The following TTC8 variants were observed in gnomAD, a reference collection of about 807,000 sequenced individuals.
The protein encoded by TTC8 is tetratricopeptide repeat protein 8.
Under a neutral mutation model 72.5 loss-of-function variants are expected in TTC8, and 47 were observed. The ratio of observed to expected loss-of-function variants is 0.65; its 90% CI spans 0.51 to 0.83. TTC8 has a LOEUF of 0.83. Among genes scored for constraint, TTC8 ranks in the 40% least tolerant of loss-of-function variants. The pLI, the probability that TTC8 is intolerant of heterozygous loss-of-function variation, is 0.00. For missense variants in TTC8, 611 were observed against 623.2 expected, an observed-to-expected ratio of 0.98 and a Z score of 0.21; for synonymous variants, 199 against 221.4, an observed-to-expected ratio of 0.90 and a Z score of 0.90.
At chr14:88,879,604 A>G (rs1323704067), downstream of TTC8, 5 of 151,666 alleles carry the variant, frequency 3.3e-5, no homozygotes, top group Non-Finnish European at 7.4e-5. Flanking sequence ...TCAGGATACA[A>G]TTTATGGCCT....
chr14:88,872,591 T>A (rs2094939444), intron 13 of TTC8, 139 bp downstream of exon 13: 1 of 1,247,962 alleles, frequency 8.0e-7, no homozygotes, highest in Non-Finnish European at 1.1e-6. Context: ...CCAGCTCTGT[T>A]GTGTATTAGC....
chr14:88,859,581 T>A (rs946858568), intron 9 of TTC8, among the ~76,000 whole-genome samples: 2 of 151,540 alleles, frequency 1.3e-5, no homozygotes, highest in Non-Finnish European at 2.9e-5. Flanking sequence ...TCCTGGGTGA[T>A]GAAATAATCT....
chr14:88,879,411 A>G (rs1012646950), downstream of TTC8: 1 of 152,172 alleles, frequency 6.6e-6, no homozygotes, highest in Non-Finnish European at 1.5e-5. Context: ...ACCAAAATTC[A>G]TATCATCGAG....
chr14:88,840,956 C>T lies in TTC8; in HGVS notation c.329+28C>T, dbSNP rs146161680. On this transcript the variant is annotated intron_variant, in intron 4 of 14. Transcript: ENST00000380656. ...ATGTACTTCTGCTTCATAACCTCTGCCACTAAATATTGATCAGACTGTATG... is the reference window on the plus strand; with the variant it reads ...ATGTACTTCTGCTTCATAACCTCTGTCACTAAATATTGATCAGACTGTATG... 1.4e-3 allele frequency: 2,185 copies of T among 1,613,872 alleles called. 24 individuals are homozygous for T. In the African/African-American group the frequency reaches 0.026, roughly 19 times the overall value.
intron 1 of TTC8, among the ~76,000 whole-genome samples, chr14:88,827,300 A>G (rs532210393): frequency 1.6e-4 from 25 of 152,332 alleles, no homozygotes; most frequent in Admixed American, 5.9e-4. Context: ...AGAAGTTTCA[A>G]AAAAAGTTAT....
chr14:88,841,076 C>A lies in TTC8; in HGVS notation c.369C>A (p.Leu123=), dbSNP rs1175093223. 1 of 1,614,126 alleles carries A rather than the reference C, an allele frequency of 6.2e-7. No individual in the cohort carries two copies. The change falls in exon 5 of 15, where the codon CTC becomes CTA. Residue 123 remains leucine (L), a synonymous_variant. Transcript: ENST00000380656. ...CTGGAAGACCCATTACAGGTTTCCT[C>A]AGGCCCAGCACGCAGAGTGGAAGGC... The part of the protein sequence containing the change: ...TQAGRPITGF[L]RPSTQSGRPG...
At chr14:88,840,206 T>C (rs12879875) in intron 3 of TTC8, 59,789 of 156,464 alleles carry the variant, frequency 0.38, 11,565 homozygotes, top group East Asian at 0.5. Context: ...TGATCACAAC[T>C]CATTACAGAT....
chr14:88,847,511 A>C (rs2094812807), intron 7 of TTC8, among the ~76,000 whole-genome samples: 1 of 152,178 alleles, frequency 6.6e-6, no homozygotes, highest in African/African-American at 2.4e-5. Context: ...AAACACCAAA[A>C]CCAAGCAATA....
At chr14:88,852,870 T>G in intron 7 of TTC8, 101 bp from the exon 8 acceptor site, 1 of 1,028,970 alleles carries the variant, frequency 9.7e-7, no homozygotes. Context: ...CTAATGCACA[T>G]TTTGATTGGT....
chr14:88,835,856 A>AT (rs1251091761), intron 2 of TTC8, among the ~76,000 whole-genome samples: 4 of 151,998 alleles, frequency 2.6e-5, no homozygotes, highest in African/African-American at 4.8e-5. Flanking sequence ...AAAAATTATT[A>AT]TTTTTTTAAA....
At chr14:88,825,489 A>C (rs375300064) in intron 1 of TTC8, among the ~76,000 whole-genome samples, 1 of 152,218 alleles carries the variant, frequency 6.6e-6, no homozygotes, top group East Asian at 1.9e-4. Context: ...TGAAAAGAGA[A>C]CTTAAACTAG....
chr14:88,843,359 A>T (rs913334712), intron 6 of TTC8, among the ~76,000 whole-genome samples: 1 of 152,204 alleles, frequency 6.6e-6, no homozygotes, highest in Non-Finnish European at 1.5e-5. Flanking sequence ...TATGAATACC[A>T]TATAAGGAAA....
At position 88,871,566 on chromosome 14, in the gene TTC8, G is replaced by T; in HGVS notation, c.1067G>T (p.Gly356Val). 6.2e-7 allele frequency: 1 copy of T among 1,613,964 alleles called. No homozygotes were observed. Among genetic ancestry groups the T allele is most frequent in the Non-Finnish European group, 8.5e-7 (1 of 1,179,988 alleles). The part of the protein sequence containing the change: ...LRFYRRLLQM[G>V]IYNGQLFNNL... ...TTGAAAAGGCGGCTGCTGCAGATGG[G>T]CATTTATAACGGCCAGCTTTTTAAC... is the stretch of plus-strand genomic sequence containing the variant. Residue 356 changes from glycine (G) to valine (V), a missense_variant, in exon 12 of 15, where the codon GGC (glycine) becomes GTC (valine). Coordinates refer to ENST00000380656, the MANE Select transcript of TTC8 (RefSeq NM_144596.4). This position sits in a 1 kb window ranked among gnomAD's most constrained non-coding sequence, Gnocchi z 4.1.
chr14:88,840,907 G>T lies in TTC8; in HGVS notation c.308G>T (p.Gly103Val), dbSNP rs140710339. 12 of 1,614,000 alleles carry T rather than the reference G, an allele frequency of 7.4e-6. No homozygotes were observed. In the African/African-American group the frequency reaches 1.6e-4, roughly 22 times the overall value. ...AAACTCCCTGGAACTAATCAGACAGGAGGGCCTAGCCAGGCCGTTAGGTAT... is the reference window on the plus strand; with the variant it reads ...AAACTCCCTGGAACTAATCAGACAGTAGGGCCTAGCCAGGCCGTTAGGTAT... ...SLKLPGTNQT[G>V]GPSQAVRPIT... The change falls in exon 4 of 15, where the codon GGA becomes GTA. Residue 103 changes from glycine to valine, a missense_variant. By Grantham distance (109) the Gly-to-Val change is moderately radical. Transcript: ENST00000380656.
intron 9 of TTC8, among the ~76,000 whole-genome samples, chr14:88,858,500 C>G (rs538447547): frequency 6.6e-6 from 1 of 152,246 alleles, no homozygotes; most frequent in South Asian, 2.1e-4. Context: ...TATAAATTTA[C>G]TGTGCTAGTC....
At chr14:88,833,301 C>T (rs1376017022) in intron 1 of TTC8, among the ~76,000 whole-genome samples, 3 of 151,764 alleles carry the variant, frequency 2.0e-5, no homozygotes, top group South Asian at 2.1e-4. Context: ...GTGGATTTTC[C>T]TTCTTCTCCT....
At chr14:88,844,647 C>A (rs1016303850) in intron 7 of TTC8, among the ~76,000 whole-genome samples, 3 of 151,732 alleles carry the variant, frequency 2.0e-5, no homozygotes, top group African/African-American at 7.3e-5. Flanking sequence ...CAGGCTCAGG[C>A]GATCCTCCCA....
At position 88,871,598 on chromosome 14, in the gene TTC8, G is replaced by A; in HGVS notation, c.1099G>A (p.Gly367Arg). ...TAACGGCCAGCTTTTTAACAATCTG[G>A]GGCTGTGTTGCTTCTATGCCCAGCA... ...IYNGQLFNNL[G>R]LCCFYAQQYD... The change falls in exon 12 of 15, where the codon GGG becomes AGG. Residue 367 changes from glycine (G) to arginine (R), a missense_variant. Gly to Arg is a moderately radical substitution (Grantham distance 125, BLOSUM62 -2). Coordinates refer to ENST00000380656, the MANE Select transcript of TTC8 (RefSeq NM_144596.4). This position sits in a 1 kb window ranked among gnomAD's most constrained non-coding sequence, Gnocchi z 4.1. 1 of 1,613,976 alleles carries A rather than the reference G, an allele frequency of 6.2e-7. No homozygotes were observed. Among genetic ancestry groups the A allele is most frequent in the Non-Finnish European group, 8.5e-7 (1 of 1,180,002 alleles).
chr14:88,852,890 A>G (rs2273657), intron 7 of TTC8, 81 bp from the exon 8 acceptor site: 23,338 of 1,167,108 alleles, frequency 0.02, 930 homozygotes, highest in East Asian at 0.17. Flanking sequence ...TGCTAATTAT[A>G]TGGTCTATTT....
Sources: allele counts gnomAD v4.1 joint callset (sites outside exome capture counted in the v4.1 genomes callset), GRCh38; gene constraint gnomAD v4.1.1; non-coding constraint Gnocchi (gnomAD v3.1); transcripts MANE v1.5; gene names NCBI Gene and HGNC (gene_info 2026-07-23, HGNC 2026-07-21).